DDX10: variants seen among roughly 807,000 people sequenced by gnomAD.
DDX10 encodes the protein probable ATP-dependent RNA helicase DDX10.
Under a neutral mutation model 104.3 loss-of-function variants are expected in DDX10, and 74 were observed. That is an observed-to-expected ratio of 0.71 (90% CI 0.59 to 0.86). The LOEUF (loss-of-function observed/expected upper bound fraction) is 0.86. Among genes scored for constraint, DDX10 ranks in the 40% least tolerant of loss-of-function variants. The pLI is 0.00. For synonymous variants in DDX10, 351 were observed against 353.4 expected, an observed-to-expected ratio of 0.99 and a Z score of 0.08; for missense variants, 952 against 1,040.0, an observed-to-expected ratio of 0.92 and a Z score of 1.16.
chr11:108,804,749 C>G (rs1862074010), intron 13 of DDX10, among the ~76,000 whole-genome samples: 1 of 152,134 alleles, frequency 6.6e-6, no homozygotes, highest in South Asian at 2.1e-4. Context: ...CTTTTGACAG[C>G]TGTATGACCG....
intron 16 of DDX10, among the ~76,000 whole-genome samples, chr11:108,856,870 G>A (rs1179128407): frequency 1.0e-4 from 10 of 98,044 alleles, no homozygotes; most frequent in East Asian, 6.8e-4. Flanking sequence ...CCACCCCCGC[G>A]TGAGAATATT....
chr11:108,702,264 A>C (rs2094269418), intron 9 of DDX10, among the ~76,000 whole-genome samples: 1 of 152,234 alleles, frequency 6.6e-6, no homozygotes, highest in South Asian at 2.1e-4. Context: ...CAATAATGAC[A>C]AAACAATTAA....
Position 108,906,376 on chromosome 11 carries a change from T to C in DDX10, c.2305-11497T>C, listed in dbSNP as rs1863596720. On this transcript the variant is annotated intron_variant, in intron 16 of 17. Coordinates refer to ENST00000322536, the MANE Select transcript of DDX10 (RefSeq NM_004398.4). ...CAGGAGGGGTCCTTGAGGATATGAC[T>C]GCCAAACTGCTGGAATGTCTTTTCC... Among the ~76,000 whole-genome samples the C allele has an allele frequency of 1.3e-5, 2 of 152,240 alleles. 1 individual carries two copies. Among genetic ancestry groups the C allele is most frequent in the South Asian group, 4.1e-4 (2 of 4,826 alleles).
Position 108,726,330 on chromosome 11 carries a change from A to T in DDX10, c.1965+2868A>T, listed in dbSNP as rs111923866. Among the ~76,000 whole-genome samples the T allele has an allele frequency of 6.4e-3, 980 of 152,210 alleles. 5 individuals are homozygous for T. The highest frequency in any genetic ancestry group is 0.022 in the African/African-American group (903 of 41,548). On this transcript the variant is annotated intron_variant, in intron 13 of 17. Coordinates refer to ENST00000322536, the MANE Select transcript of DDX10 (RefSeq NM_004398.4). ...CTGTAAATCTAACTGGAGAGAATTG[A>T]CATCATAACAATACCTTTTTATTTA...
intron 15 of DDX10, among the ~76,000 whole-genome samples, chr11:108,847,217 C>T (rs1197090126): frequency 6.6e-6 from 1 of 152,192 alleles, no homozygotes; most frequent in Non-Finnish European, 1.5e-5. Context: ...CTCTTACATA[C>T]AAGCAATGTG....
chr11:108,679,320 C>T, intron 5 of DDX10, 51 bp from the exon 6 acceptor site: 1 of 1,449,970 alleles, frequency 6.9e-7, no homozygotes. Context: ...TTGCATTTAG[C>T]CTAATGTATA....
intron 10 of DDX10, among the ~76,000 whole-genome samples, chr11:108,715,312 C>G (rs900394021): frequency 1.3e-5 from 2 of 152,104 alleles, no homozygotes; most frequent in African/African-American, 4.8e-5. Flanking sequence ...CCAGGAGTTC[C>G]AGACCAGCCT....
At chr11:108,827,784 G>A (rs911566359) in intron 13 of DDX10, among the ~76,000 whole-genome samples, 4 of 152,024 alleles carry the variant, frequency 2.6e-5, no homozygotes, top group Admixed American at 1.3e-4. Context: ...TGCTATAGCC[G>A]GTATGTTTGT....
chr11:108,916,060 A>G (rs942120900), intron 16 of DDX10, among the ~76,000 whole-genome samples: 20 of 151,606 alleles, frequency 1.3e-4, no homozygotes, highest in Non-Finnish European at 2.7e-4. Context: ...TAAATTTTTA[A>G]TTTCTAATAC....
intron 17 of DDX10, among the ~76,000 whole-genome samples, chr11:108,929,291 T>C (rs1429805463): frequency 6.6e-6 from 1 of 152,112 alleles, no homozygotes; most frequent in Non-Finnish European, 1.5e-5. Context: ...AGAGAGGAAT[T>C]GGGAGAGTTC....
chr11:108,849,309 G>A (rs1363897559), intron 15 of DDX10, among the ~76,000 whole-genome samples: 1 of 152,104 alleles, frequency 6.6e-6, no homozygotes, highest in Non-Finnish European at 1.5e-5. Flanking sequence ...TAGCTGGGGA[G>A]TCAATTCCTT....
chr11:108,935,350 C>T (rs1864023407), intron 17 of DDX10, among the ~76,000 whole-genome samples: 1 of 152,056 alleles, frequency 6.6e-6, no homozygotes, highest in African/African-American at 2.4e-5. Flanking sequence ...GGGGCTAATG[C>T]AGAACAGGTT....
At chr11:108,710,732 G>GT (rs898158615) in intron 10 of DDX10, among the ~76,000 whole-genome samples, 4 of 152,186 alleles carry the variant, frequency 2.6e-5, no homozygotes, top group African/African-American at 9.6e-5. Context: ...ATACCTAACT[G>GT]TAAGTGCCTG....
At chr11:108,708,525 G>A (rs916678284) in intron 10 of DDX10, among the ~76,000 whole-genome samples, 3 of 150,284 alleles carry the variant, frequency 2.0e-5, no homozygotes, top group African/African-American at 7.3e-5. Flanking sequence ...ATTGTTTTTA[G>A]TTTCAAATTC....
At chr11:108,671,294 G>A (rs1420929222) in intron 1 of DDX10, among the ~76,000 whole-genome samples, 1 of 152,214 alleles carries the variant, frequency 6.6e-6, no homozygotes, top group East Asian at 1.9e-4. Context: ...CTCCCAAGTA[G>A]CTGGGATTAC....
intron 13 of DDX10, among the ~76,000 whole-genome samples, chr11:108,800,905 T>C (rs1862011727): frequency 6.6e-6 from 1 of 152,236 alleles, no homozygotes; most frequent in African/African-American, 2.4e-5. Context: ...TGTATTCCTA[T>C]CTTTCCAGTA....
intron 13 of DDX10, among the ~76,000 whole-genome samples, chr11:108,790,016 G>A (rs1861849016): frequency 6.6e-6 from 1 of 152,124 alleles, no homozygotes; most frequent in Non-Finnish European, 1.5e-5. Flanking sequence ...GTTTTATTGT[G>A]CAAGTAGCTA....
At chr11:108,811,922 C>A (rs1349307160) in intron 13 of DDX10, among the ~76,000 whole-genome samples, 1 of 151,612 alleles carries the variant, frequency 6.6e-6, no homozygotes, top group Non-Finnish European at 1.5e-5. Flanking sequence ...AATAATTAGG[C>A]ATGATAGGCA....
intron 13 of DDX10, among the ~76,000 whole-genome samples, chr11:108,763,983 T>C (rs1487492282): frequency 3.3e-5 from 5 of 152,182 alleles, no homozygotes; most frequent in Non-Finnish European, 7.4e-5. Flanking sequence ...CATTATTTTA[T>C]TGGCCAAGTG....
Sources: allele counts gnomAD v4.1 joint callset (sites outside exome capture counted in the v4.1 genomes callset), GRCh38; gene constraint gnomAD v4.1.1; transcripts MANE v1.5; gene names NCBI Gene and HGNC (gene_info 2026-07-23, HGNC 2026-07-21).